Variants in PPIL4 observed in about 807,000 individuals in gnomAD.
PPIL4 encodes the protein peptidyl-prolyl cis-trans isomerase-like 4.
PPIL4 carries 50 observed loss-of-function variants against 69.1 expected under a neutral mutation model. That is an observed-to-expected ratio of 0.72 (90% CI 0.58 to 0.92). The LOEUF (loss-of-function observed/expected upper bound fraction) is 0.92. Among genes scored for constraint, PPIL4 ranks in the 40% least tolerant of loss-of-function variants. The pLI is 0.00. For synonymous variants in PPIL4, 193 were observed against 191.6 expected, an observed-to-expected ratio of 1.01 and a Z score of -0.06; for missense variants, 480 against 587.9, an observed-to-expected ratio of 0.82 and a Z score of 1.90.
At chr6:149,516,712 T>C (rs947443731) in intron 11 of PPIL4, among the ~76,000 whole-genome samples, 3 of 152,176 alleles carry the variant, frequency 2.0e-5, no homozygotes, top group Admixed American at 2.0e-4. Flanking sequence ...TGGATTTCTT[T>C]TTAATCCTAC....
At chr6:149,533,683 T>G in intron 6 of PPIL4, 109 bp from the exon 7 acceptor site, 1 of 631,930 alleles carries the variant, frequency 1.6e-6, no homozygotes, top group Non-Finnish European at 2.7e-6. Flanking sequence ...AAACAGTAAC[T>G]GATCAAGGTT....
At chr6:149,521,195 A>G (rs962580519) in intron 9 of PPIL4, 24 bp from the exon 10 acceptor site, 2 of 1,313,910 alleles carry the variant, frequency 1.5e-6, no homozygotes, top group Non-Finnish European at 2.2e-6. Context: ...TAAAAACTCA[A>G]GCATAAATCT....
intron 5 of PPIL4, among the ~76,000 whole-genome samples, chr6:149,535,063 A>G (rs1006243583): frequency 5.3e-5 from 8 of 152,206 alleles, no homozygotes; most frequent in Admixed American, 4.6e-4. Flanking sequence ...TTAAAGCATT[A>G]ACAATTCCTC....
In PPIL4 at chr6:149,534,733, G is replaced by C; in HGVS notation, c.506C>G (p.Pro169Arg). The change falls in exon 6 of 13, where the codon CCT (proline) becomes CGT (arginine). Residue 169 changes from proline to arginine, a missense_variant. Pro to Arg is a moderately radical substitution (Grantham distance 103). Transcript: ENST00000253329. Reference protein sequence around the residue: ...TVILDDPFDDPPDLLIPDRSP... With the variant: ...TVILDDPFDDRPDLLIPDRSP... ...TCGATCAGGGATTAATAAATCAGGA[G>C]GGTCATCAAATGGATCATCTAAAAT... The C allele has an allele frequency of 6.3e-7, 1 of 1,598,308 alleles. No homozygotes were observed. The highest frequency in any genetic ancestry group is 8.6e-7 in the Non-Finnish European group (1 of 1,169,516).
chr6:149,505,823 G>A (rs1776761973), intron 12 of PPIL4, 119 bp from the exon 13 acceptor site: 9 of 770,254 alleles, frequency 1.2e-5, no homozygotes, highest in Non-Finnish European at 1.9e-5. Flanking sequence ...GCTTAAATGT[G>A]AACACTACCA....
chr6:149,525,258 A>T, intron 8 of PPIL4, 49 bp from the exon 9 acceptor site: 1 of 960,336 alleles, frequency 1.0e-6, no homozygotes. Context: ...AAAGGAAGAA[A>T]GCATTCACTC....
Position 149,505,410 on chromosome 6 carries a change from C to T in PPIL4, c.*43G>A, listed in dbSNP as rs1776753730. The T allele has an allele frequency of 1.3e-6, 2 of 1,563,570 alleles. No homozygotes were observed. The highest frequency in any genetic ancestry group is 1.2e-5 in the South Asian group (1 of 83,244). ...GCTTTCCTGGCACTCTTAAGTTAGA[C>T]AAGAGTAAATATGTTAGCCTCTCAA... On this transcript the variant is annotated 3_prime_UTR_variant, in exon 13 of 13. Transcript: ENST00000253329.
intron 9 of PPIL4, 25 bp from the exon 10 acceptor site, chr6:149,521,196 G>T: frequency 1.5e-6 from 2 of 1,309,208 alleles, no homozygotes; most frequent in Non-Finnish European, 2.2e-6. Context: ...AAAAACTCAA[G>T]CATAAATCTT....
At position 149,534,659 on chromosome 6, in the gene PPIL4, A is replaced by C. The variant is rs532118704; in HGVS notation, c.561+19T>G. 27 of 1,225,526 alleles carry C rather than the reference A, an allele frequency of 2.2e-5. No individual in the cohort carries two copies. In the Admixed American group the frequency reaches 4.7e-4, roughly 21 times the overall value. 75.9% of individuals were successfully genotyped at this position (1,225,526 alleles called of 1,614,324 possible). ...CATTAATATGAATGTACATTTAATCATAAGAGGGCTTTACTTACATCTAAT... is the reference window on the plus strand; with the variant it reads ...CATTAATATGAATGTACATTTAATCCTAAGAGGGCTTTACTTACATCTAAT... On this transcript the variant is annotated intron_variant, in intron 6 of 12. Coordinates refer to ENST00000253329, the MANE Select transcript of PPIL4 (RefSeq NM_139126.4).
chr6:149,526,600 C>T, intron 8 of PPIL4, 52 bp downstream of exon 8: 1 of 1,519,794 alleles, frequency 6.6e-7, no homozygotes, highest in Admixed American at 1.9e-5. Flanking sequence ...AGAAAACCAC[C>T]AACTGATACC....
intron 1 of PPIL4, among the ~76,000 whole-genome samples, chr6:149,545,129 C>T (rs1220309302): frequency 6.6e-6 from 1 of 152,186 alleles, no homozygotes; most frequent in Middle Eastern, 3.2e-3. Flanking sequence ...CCACGACTCA[C>T]ACCAGTCCTT....
rs1776867201 is a variant in PPIL4 at position 149,512,432 on chromosome 6, T to C, written c.1080-130A>G. The C allele has an allele frequency of 1.0e-5, 6 of 574,162 alleles. No homozygotes were observed. The Admixed American group carries it at 1.9e-4, about 18-fold the overall frequency. The allele number at this position is 574,162 out of a possible 1,614,324, so 35.6% of individuals were successfully genotyped here. On this transcript the variant is annotated intron_variant, in intron 11 of 12. Transcript: ENST00000253329. Reference sequence around the variant, plus strand: ...CAAAAAGCATCTCAAAAGAATATAGTACATTTCTAAAACAAAACTAACATT... The same window carrying C: ...CAAAAAGCATCTCAAAAGAATATAGCACATTTCTAAAACAAAACTAACATT...
chr6:149,531,812 G>A (rs1336319813), intron 7 of PPIL4, among the ~76,000 whole-genome samples: 1 of 152,068 alleles, frequency 6.6e-6, no homozygotes, highest in Non-Finnish European at 1.5e-5. Context: ...TAGGATTACA[G>A]CCGCATGCCT....
chr6:149,543,863 A>T (rs907095516), intron 1 of PPIL4, among the ~76,000 whole-genome samples: 1 of 152,246 alleles, frequency 6.6e-6, no homozygotes, highest in Non-Finnish European at 1.5e-5. Flanking sequence ...GTTCATTTAC[A>T]TGATTCTCTC....
At chr6:149,512,367 T>C in intron 11 of PPIL4, 65 bp from the exon 12 acceptor site, 1 of 1,306,542 alleles carries the variant, frequency 7.7e-7, no homozygotes, top group Non-Finnish European at 1.1e-6. Context: ...ACTTAAGATC[T>C]GGTAAACAAA....
intron 8 of PPIL4, among the ~76,000 whole-genome samples, chr6:149,525,906 T>C (rs1369522397): frequency 2.0e-5 from 3 of 151,958 alleles, no homozygotes; most frequent in East Asian, 3.9e-4. Context: ...CGAGACCAGC[T>C]TGGCCAATAT....
In PPIL4 at chr6:149,507,614, T is replaced by C. The variant is rs188145581; in HGVS notation, c.1228-1910A>G. Among the ~76,000 whole-genome samples the C allele has an allele frequency of 4.6e-5, 7 of 152,332 alleles. 1 individual carries two copies. In the East Asian group the frequency reaches 9.6e-4, roughly 21 times the overall value. The stretch of plus-strand genomic sequence containing the variant: ...GTATAAATTTATAAAATCCTCAGTA[T>C]GTTATTATACAAATGGGCACTTAAG... On this transcript the variant is annotated intron_variant, in intron 12 of 12. Coordinates refer to ENST00000253329, the MANE Select transcript of PPIL4 (RefSeq NM_139126.4).
intron 8 of PPIL4, 120 bp from the exon 9 acceptor site, chr6:149,525,329 G>C: frequency 7.4e-6 from 4 of 538,908 alleles, no homozygotes; most frequent in Non-Finnish European, 1.0e-5. Flanking sequence ...TAAATTCATA[G>C]ATTATTTTTC....
chr6:149,534,832 T>A, intron 5 of PPIL4, 58 bp from the exon 6 acceptor site: 1 of 1,059,390 alleles, frequency 9.4e-7, no homozygotes, highest in Admixed American at 2.4e-5. Flanking sequence ...GAATCCTATT[T>A]TATTTTAATA....
Sources: allele counts gnomAD v4.1 joint callset (sites outside exome capture counted in the v4.1 genomes callset), GRCh38; gene constraint gnomAD v4.1.1; transcripts MANE v1.5; gene names NCBI Gene and HGNC (gene_info 2026-07-23, HGNC 2026-07-21).